Variants in PTPRK observed in about 807,000 individuals in gnomAD.
The protein encoded by PTPRK is protein tyrosine phosphatase receptor type K.
A neutral mutation model predicts 178.0 loss-of-function variants in PTPRK; 75 were observed. The ratio of observed to expected loss-of-function variants is 0.42; its 90% CI spans 0.35 to 0.51. The LOEUF (loss-of-function observed/expected upper bound fraction) is 0.51, where lower values mean the gene tolerates loss of function less well. Among genes scored for constraint, PTPRK ranks in the 20% least tolerant of loss-of-function variants. The pLI is 0.02. For synonymous variants in PTPRK, 637 were observed against 620.6 expected, an observed-to-expected ratio of 1.03 and a Z score of -0.39; for missense variants, 1,441 against 1,797.8, an observed-to-expected ratio of 0.80 and a Z score of 3.59.
chr6:128,292,884 C>T (rs2128307698), intron 3 of PTPRK, among the ~76,000 whole-genome samples: 1 of 151,822 alleles, frequency 6.6e-6, no homozygotes, highest in South Asian at 2.1e-4. Context: ...ATTCCAACAC[C>T]TAAATGAATG....
At chr6:128,084,978 T>A (rs1785496127) in intron 8 of PTPRK, 1 of 152,272 alleles carries the variant, frequency 6.6e-6, no homozygotes, top group South Asian at 2.1e-4. Flanking sequence ...TGAAATAAAT[T>A]AAAAATCACT....
rs182702203 is a variant in PTPRK at position 128,016,602 on chromosome 6, C to A, written c.2195-7334G>T. 1.8e-3 allele frequency among the ~76,000 whole-genome samples: 273 copies of A among 151,924 alleles called. 1 individual carries two copies. Among genetic ancestry groups the A allele is most frequent in the African/African-American group, 6.4e-3 (267 of 41,490 alleles). Reference sequence around the variant, plus strand: ...GCCCTGAAAGCCATCAGTTGCTTTTCTTCTTACTTTACTTATGGTATGAAT... The same window carrying A: ...GCCCTGAAAGCCATCAGTTGCTTTTATTCTTACTTTACTTATGGTATGAAT... On this transcript the variant is annotated intron_variant, in intron 13 of 29. Coordinates refer to ENST00000368226, the MANE Select transcript of PTPRK (RefSeq NM_002844.4).
At chr6:128,082,244 T>G (rs1383324954) in intron 10 of PTPRK, among the ~76,000 whole-genome samples, 193 bp downstream of exon 10, 1 of 152,160 alleles carries the variant, frequency 6.6e-6, no homozygotes, top group African/African-American at 2.4e-5. Flanking sequence ...AAGTGACTAT[T>G]TCAGATGTGT....
chr6:128,280,200 C>G (rs547367303), intron 3 of PTPRK, among the ~76,000 whole-genome samples: 1 of 152,270 alleles, frequency 6.6e-6, no homozygotes, highest in South Asian at 2.1e-4. Flanking sequence ...TCCAGGACAG[C>G]ACTCATCAAG....
At chr6:128,449,492 T>C (rs1469856269) in intron 1 of PTPRK, among the ~76,000 whole-genome samples, 2 of 152,090 alleles carry the variant, frequency 1.3e-5, no homozygotes, top group African/African-American at 4.8e-5. Flanking sequence ...GTTGCTTTTT[T>C]CTCCAAAACG....
At chr6:128,051,895 T>C (rs143611051) in intron 13 of PTPRK, among the ~76,000 whole-genome samples, 13 of 152,154 alleles carry the variant, frequency 8.5e-5, no homozygotes, top group Non-Finnish European at 1.9e-4. Context: ...TCAGCCTTTG[T>C]TTCTAGTGTT....
At chr6:128,374,860 T>C (rs1318786838) in intron 2 of PTPRK, among the ~76,000 whole-genome samples, 1 of 151,958 alleles carries the variant, frequency 6.6e-6, no homozygotes, top group Non-Finnish European at 1.5e-5. Context: ...CTTTATCTCC[T>C]ATAACAATGC....
intron 3 of PTPRK, among the ~76,000 whole-genome samples, chr6:128,271,332 C>G (rs1021980010): frequency 2.2e-4 from 33 of 152,072 alleles, no homozygotes; most frequent in Non-Finnish European, 4.4e-5. Flanking sequence ...TAAACTCTGA[C>G]AGGGATGGAG....
chr6:128,434,796 G>T (rs1227505811), intron 1 of PTPRK, among the ~76,000 whole-genome samples: 1 of 151,868 alleles, frequency 6.6e-6, no homozygotes, highest in Admixed American at 6.6e-5. Flanking sequence ...AAGGTGGGAG[G>T]ATCACTTGAG....
intron 2 of PTPRK, among the ~76,000 whole-genome samples, chr6:128,380,114 A>T (rs985279353): frequency 6.6e-5 from 10 of 152,102 alleles, no homozygotes; most frequent in African/African-American, 2.4e-4. Context: ...TCATCTCAAT[A>T]GTATAGCAAA....
intron 13 of PTPRK, among the ~76,000 whole-genome samples, chr6:128,024,186 A>G (rs949524115): frequency 6.6e-6 from 1 of 152,232 alleles, no homozygotes; most frequent in African/African-American, 2.4e-5. Context: ...AATAATTTAG[A>G]AACAGACTAA....
At chr6:128,322,605 T>G (rs1472672051) in intron 2 of PTPRK, among the ~76,000 whole-genome samples, 1 of 151,730 alleles carries the variant, frequency 6.6e-6, no homozygotes, top group Non-Finnish European at 1.5e-5. Flanking sequence ...CACTCAAAGC[T>G]GGGTTCAAAT....
intron 2 of PTPRK, among the ~76,000 whole-genome samples, chr6:128,383,870 A>G (rs1838305435): frequency 6.6e-6 from 1 of 152,212 alleles, no homozygotes; most frequent in South Asian, 2.1e-4. Context: ...TTACATTCAG[A>G]AAAAATATTT....
rs544910514 is a variant in PTPRK, at chr6:128,068,121, G to T, written c.1884-329C>A. Reference sequence around the variant, plus strand: ...TAACCAAAGACACATCATAGATTCAGTTCTTTGTCTGATATTTTTAAATGT... The same window carrying T: ...TAACCAAAGACACATCATAGATTCATTTCTTTGTCTGATATTTTTAAATGT... On this transcript the variant is annotated intron_variant, in intron 11 of 29. Transcript: ENST00000368226. Among the ~76,000 whole-genome samples, 24 of 152,278 alleles carry T rather than the reference G, an allele frequency of 1.6e-4. No individual in the cohort carries two copies. In the South Asian group the frequency reaches 4.8e-3, roughly 30 times the overall value.
chr6:128,044,755 T>C (rs1401537807), intron 13 of PTPRK, among the ~76,000 whole-genome samples: 1 of 152,000 alleles, frequency 6.6e-6, no homozygotes, highest in Admixed American at 6.6e-5. Flanking sequence ...AAAATCACAT[T>C]ATACTGCTCT....
chr6:128,033,178 G>A (rs1775638336), intron 13 of PTPRK, among the ~76,000 whole-genome samples: 1 of 152,116 alleles, frequency 6.6e-6, no homozygotes, highest in South Asian at 2.1e-4. Flanking sequence ...TGGAAAAAGC[G>A]CTACTGATTT....
chr6:128,268,817 C>A (rs2128296501), intron 3 of PTPRK, among the ~76,000 whole-genome samples: 1 of 152,084 alleles, frequency 6.6e-6, no homozygotes, highest in South Asian at 2.1e-4. Flanking sequence ...TCCATTCTTA[C>A]CATTTTATTC....
intron 11 of PTPRK, among the ~76,000 whole-genome samples, chr6:128,076,538 A>G (rs866414681): frequency 2.0e-5 from 3 of 152,000 alleles, no homozygotes; most frequent in Non-Finnish European, 4.4e-5. Flanking sequence ...ATTCACTTCA[A>G]AAAAAATCTG....
intron 1 of PTPRK, among the ~76,000 whole-genome samples, chr6:128,513,763 GATC>G (rs1253665466): frequency 3.3e-5 from 5 of 152,140 alleles, no homozygotes; most frequent in Non-Finnish European, 7.4e-5. Flanking sequence ...GATGATCACA[GATC>G]ATCACAAATT....
Sources: allele counts gnomAD v4.1 joint callset (sites outside exome capture counted in the v4.1 genomes callset), GRCh38; gene constraint gnomAD v4.1.1; transcripts MANE v1.5; gene names NCBI Gene and HGNC (gene_info 2026-07-23, HGNC 2026-07-21).